The following SVOP variants were observed in gnomAD, a reference collection of about 807,000 sequenced individuals.
SVOP encodes the protein SV2 related protein.
A neutral mutation model predicts 69.1 loss-of-function variants in SVOP; 17 were observed. That is an observed-to-expected ratio of 0.25 (90% CI 0.17 to 0.37). SVOP has a LOEUF of 0.37. Ranked by LOEUF, SVOP falls within the 10% of genes least tolerant of loss-of-function variation. The pLI, the probability that SVOP is intolerant of heterozygous loss-of-function variation, is 1.00. For synonymous variants in SVOP, 238 were observed against 238.6 expected, an observed-to-expected ratio of 1.00 and a Z score of 0.02; for missense variants, 435 against 597.5, an observed-to-expected ratio of 0.73 and a Z score of 2.84.
intron 6 of SVOP, among the ~76,000 whole-genome samples, chr12:108,955,334 T>C (rs1331018670): frequency 6.6e-6 from 1 of 152,198 alleles, no homozygotes; most frequent in Non-Finnish European, 1.5e-5. Flanking sequence ...TATTCATGAA[T>C]AGGGCAGTAG....
chr12:108,951,864 C>T (rs2039956324), intron 6 of SVOP, among the ~76,000 whole-genome samples: 2 of 152,214 alleles, frequency 1.3e-5, no homozygotes, highest in Non-Finnish European at 2.9e-5. Context: ...AGTATGACTG[C>T]AGCACATCCC....
chr12:108,917,807 C>T (rs554381627), intron 14 of SVOP, among the ~76,000 whole-genome samples: 22 of 152,020 alleles, frequency 1.4e-4, no homozygotes, highest in Non-Finnish European at 2.9e-4. Flanking sequence ...CACAGCCTGG[C>T]TCATTTTTAT....
chr12:108,937,436 G>A (rs1234780825), intron 9 of SVOP, 99 bp from the exon 10 acceptor site: 6 of 1,176,254 alleles, frequency 5.1e-6, no homozygotes, highest in African/African-American at 4.5e-5. Flanking sequence ...CTGGGAGGAA[G>A]GTTTCTAGTA....
At chr12:108,956,296 C>T (rs1214323250) in intron 6 of SVOP, among the ~76,000 whole-genome samples, 2 of 85,980 alleles carry the variant, frequency 2.3e-5, no homozygotes, top group African/African-American at 7.7e-5. Context: ...AGCGAGATTC[C>T]GTCTCAAAAA....
intron 1 of SVOP, among the ~76,000 whole-genome samples, chr12:108,999,872 C>T (rs1467008761): frequency 6.6e-6 from 1 of 151,768 alleles, no homozygotes; most frequent in African/African-American, 2.4e-5. Context: ...AAAGATCCAA[C>T]ATTGACACCC....
At chr12:108,996,638 G>A (rs1191013708) in intron 1 of SVOP, among the ~76,000 whole-genome samples, 1 of 152,016 alleles carries the variant, frequency 6.6e-6, no homozygotes, top group Non-Finnish European at 1.5e-5. Context: ...TTGTTAGAAA[G>A]GCAGAATCTT....
At chr12:108,963,728 A>G (rs2040030001) in intron 5 of SVOP, among the ~76,000 whole-genome samples, 1 of 152,040 alleles carries the variant, frequency 6.6e-6, no homozygotes, top group South Asian at 2.1e-4. Flanking sequence ...GCTGGTCTCG[A>G]ACTCCTGGAC....
Position 108,961,040 on chromosome 12 carries a change from T to G in SVOP, c.461A>C (p.Lys154Thr). The change falls in exon 6 of 16, where the codon AAG becomes ACG. Residue 154 changes from lysine to threonine, a missense_variant. By Grantham distance (78) the Lys-to-Thr change is moderately conservative. Coordinates refer to ENST00000610966, the MANE Select transcript of SVOP (RefSeq NM_018711.5). The stretch of plus-strand genomic sequence containing the variant: ...GTACAGAGTCCACAGCACGCTGATC[T>G]TCAGCCCCTGAAGAGAAGGAAGACA... ...SDQYGRKTGLKISVLWTLYYG... is the reference protein window; with the variant it reads ...SDQYGRKTGLTISVLWTLYYG... 1 of 1,535,804 alleles carries G rather than the reference T, an allele frequency of 6.5e-7. No individual in the cohort carries two copies.
Position 108,940,780 on chromosome 12 carries a change from C to T in SVOP, c.768+4G>A. ...AAAGGTGAAATCTCTTAAAGGATAC[C>T]TACGAAACACAGCACGGCAAAGAGG... is the stretch of plus-strand genomic sequence containing the variant. On this transcript the variant is annotated splice_donor_region_variant and intron_variant, in intron 8 of 15. Transcript: ENST00000610966. 1 of 1,537,004 alleles carries T rather than the reference C, an allele frequency of 6.5e-7. No homozygotes were observed. The highest frequency in any genetic ancestry group is 1.4e-5 in the African/African-American group (1 of 73,150).
intron 1 of SVOP, among the ~76,000 whole-genome samples, chr12:108,991,082 C>A (rs547847286): frequency 6.6e-6 from 1 of 152,180 alleles, no homozygotes; most frequent in Non-Finnish European, 1.5e-5. Context: ...CTGAGCTGGG[C>A]GTCTACAACT....
chr12:108,991,229 G>A (rs570307641), intron 1 of SVOP, among the ~76,000 whole-genome samples: 74 of 152,312 alleles, frequency 4.9e-4, no homozygotes, highest in Admixed American at 1.1e-3. Flanking sequence ...CTTAGGCCTG[G>A]ATATCTGGTT....
In SVOP at chr12:108,912,240, G is replaced by GT; in HGVS notation, c.*294dup. ...GGTGACTCTGGGTGGTGTCTGATTG[G>GT]TTGCTGGCATTACCAGACCCTCCTA... On this transcript the variant is annotated 3_prime_UTR_variant, in exon 16 of 16. Transcript: ENST00000610966. 7.8e-7 allele frequency: 1 copy of GT among 1,276,138 alleles called. No homozygotes were observed. Among genetic ancestry groups the GT allele is most frequent in the South Asian group, 2.1e-5 (1 of 48,614 alleles). 79.1% of individuals were successfully genotyped at this position (1,276,138 alleles called of 1,614,324 possible).
At chr12:108,957,188 G>A (rs2039990158) in intron 6 of SVOP, among the ~76,000 whole-genome samples, 1 of 152,124 alleles carries the variant, frequency 6.6e-6, no homozygotes, top group Non-Finnish European at 1.5e-5. Flanking sequence ...TTTTGAGATG[G>A]AGTCTTGCTC....
intron 5 of SVOP, among the ~76,000 whole-genome samples, chr12:108,965,539 T>G (rs1678869057): frequency 6.6e-6 from 1 of 152,152 alleles, no homozygotes; most frequent in Non-Finnish European, 1.5e-5. Context: ...GATTACCTGA[T>G]TTTCCAAAAA....
intron 1 of SVOP, among the ~76,000 whole-genome samples, chr12:109,017,041 ACC>A (rs1423847477): frequency 6.6e-6 from 1 of 152,044 alleles, no homozygotes; most frequent in African/African-American, 2.4e-5. Context: ...CTCCTACCAA[ACC>A]AGTGCTGTCC....
At chr12:108,967,079 T>C (rs1490054831) in intron 5 of SVOP, among the ~76,000 whole-genome samples, 1 of 152,198 alleles carries the variant, frequency 6.6e-6, no homozygotes, top group Non-Finnish European at 1.5e-5. Context: ...ACAGAGAAGT[T>C]GAATAGCTTG....
chr12:108,943,284 T>A (rs935851909), intron 7 of SVOP, among the ~76,000 whole-genome samples: 1 of 151,896 alleles, frequency 6.6e-6, no homozygotes, highest in African/African-American at 2.4e-5. Flanking sequence ...TAACAACAAG[T>A]AATGCACTGA....
chr12:108,961,267 A>G (rs2040016587), intron 5 of SVOP, among the ~76,000 whole-genome samples: 1 of 152,156 alleles, frequency 6.6e-6, no homozygotes, highest in African/African-American at 2.4e-5. Flanking sequence ...TTGAATGCCA[A>G]TCTGGGCCAG....
intron 7 of SVOP, among the ~76,000 whole-genome samples, chr12:108,944,172 G>T (rs1366945714): frequency 6.6e-6 from 1 of 150,778 alleles, no homozygotes; most frequent in Non-Finnish European, 1.5e-5. Flanking sequence ...GAGCCACTGC[G>T]CCTGGCCTTT....
Sources: gnomAD v4.1 joint callset for allele counts (sites outside exome capture counted in the v4.1 genomes callset) on GRCh38, gnomAD v4.1.1 for gene constraint, MANE v1.5 for transcripts, NCBI Gene and HGNC (gene_info 2026-07-23, HGNC 2026-07-21) for gene names.